PDE11A: variants seen among roughly 807,000 people sequenced by gnomAD.
The protein encoded by PDE11A is phosphodiesterase 11A, also known as dual 3',5'-cyclic-AMP and -GMP phosphodiesterase 11A.
A neutral mutation model predicts 100.5 loss-of-function variants in PDE11A; 100 were observed. The ratio of observed to expected loss-of-function variants is 1.00; its 90% CI spans 0.85 to 1.18. PDE11A has a LOEUF of 1.18. Ranked by LOEUF, PDE11A falls within the 50% of genes most tolerant of loss-of-function variation. The pLI is 0.00. For synonymous variants in PDE11A, 381 were observed against 420.8 expected (o/e 0.91, Z 1.16); for missense variants, 1,141 against 1,152.6 (o/e 0.99, Z 0.15).
chr2:178,040,978 T>A (rs1192110680), intron 1 of PDE11A, among the ~76,000 whole-genome samples: 1 of 152,176 alleles, frequency 6.6e-6, no homozygotes, highest in Non-Finnish European at 1.5e-5. Context: ...CTCACTCTGT[T>A]GCCCATGCTA....
intron 13 of PDE11A, among the ~76,000 whole-genome samples, chr2:177,706,855 T>A (rs2081287495): frequency 6.6e-6 from 1 of 151,914 alleles, no homozygotes; most frequent in African/African-American, 2.4e-5. Flanking sequence ...TGTTGTTCAG[T>A]CTTATACAAG....
At chr2:178,019,112 T>C (rs1486510360) in intron 1 of PDE11A, among the ~76,000 whole-genome samples, 1 of 152,236 alleles carries the variant, frequency 6.6e-6, no homozygotes, top group Non-Finnish European at 1.5e-5. Flanking sequence ...ACAAAGACTT[T>C]GCAGAAAATT....
At chr2:177,856,178 C>T (rs2083829468) in intron 5 of PDE11A, among the ~76,000 whole-genome samples, 2 of 152,032 alleles carry the variant, frequency 1.3e-5, no homozygotes, top group Admixed American at 1.3e-4. Context: ...CTGAGCAGTA[C>T]CTTCAGTTGC....
chr2:177,843,354 C>A (rs755005873), intron 5 of PDE11A, among the ~76,000 whole-genome samples: 6 of 152,026 alleles, frequency 3.9e-5, no homozygotes, highest in Non-Finnish European at 7.4e-5. Context: ...TGGGTTGTCA[C>A]CTAAGAACAA....
At chr2:177,852,439 A>C (rs1206590524) in intron 5 of PDE11A, among the ~76,000 whole-genome samples, 1 of 152,108 alleles carries the variant, frequency 6.6e-6, no homozygotes, top group Admixed American at 6.6e-5. Context: ...CATTGACTAG[A>C]GGTCAATCTG....
At chr2:177,844,155 A>G (rs544583487) in intron 5 of PDE11A, among the ~76,000 whole-genome samples, 2 of 152,326 alleles carry the variant, frequency 1.3e-5, no homozygotes, top group South Asian at 4.1e-4. Flanking sequence ...GCAAAATACC[A>G]TAAGTTGGGT....
At chr2:177,768,958 A>G (rs959551414) in intron 10 of PDE11A, among the ~76,000 whole-genome samples, 2 of 152,220 alleles carry the variant, frequency 1.3e-5, no homozygotes, top group Admixed American at 6.5e-5. Context: ...ATCTCGTCAC[A>G]TATTTTTACA....
At chr2:178,103,184 G>A (rs1574400072) in intron 2 of PDE11A, among the ~76,000 whole-genome samples, 2 of 49,434 alleles carry the variant, frequency 4.0e-5, no homozygotes, top group Admixed American at 3.2e-4. Flanking sequence ...CATTTCCAGT[G>A]GGGGGGGAAG....
chr2:177,825,056 C>T (rs1316186943), intron 6 of PDE11A, among the ~76,000 whole-genome samples: 1 of 152,094 alleles, frequency 6.6e-6, no homozygotes, highest in Admixed American at 6.6e-5. Context: ...GCAGCAGTGT[C>T]CAATGCTATA....
intron 2 of PDE11A, among the ~76,000 whole-genome samples, chr2:178,087,353 CAAAA>C (rs1198466173): frequency 1.2e-5 from 1 of 82,804 alleles, no homozygotes. Context: ...GACTCCAACT[CAAAA>C]AAAAAAAAAA....
intron 5 of PDE11A, among the ~76,000 whole-genome samples, chr2:177,845,195 G>A (rs1461832093): frequency 5.3e-5 from 8 of 151,132 alleles, no homozygotes; most frequent in East Asian, 3.9e-4. Flanking sequence ...CCTCCCGGAC[G>A]GGGTGGCTGC....
chr2:177,787,456 G>T (rs901251607), intron 9 of PDE11A, among the ~76,000 whole-genome samples: 1 of 151,746 alleles, frequency 6.6e-6, no homozygotes, highest in East Asian at 1.9e-4. Context: ...AAAGACCATC[G>T]AGACTAGGAA....
intron 19 of PDE11A, among the ~76,000 whole-genome samples, chr2:177,636,122 A>G (rs997907825): frequency 2.0e-5 from 3 of 152,180 alleles, no homozygotes; most frequent in African/African-American, 7.2e-5. Flanking sequence ...TAAGATATAT[A>G]GCAGGATTTT....
chr2:177,757,645 A>G (rs1034999153), intron 10 of PDE11A, among the ~76,000 whole-genome samples: 1 of 152,170 alleles, frequency 6.6e-6, no homozygotes, highest in African/African-American at 2.4e-5. Flanking sequence ...GTAAGTTCTT[A>G]CCAGCCCTTC....
intron 5 of PDE11A, among the ~76,000 whole-genome samples, chr2:177,849,769 G>A (rs956081384): frequency 1.1e-4 from 15 of 140,170 alleles, no homozygotes; most frequent in African/African-American, 2.9e-4. Flanking sequence ...CAGCCTGGGC[G>A]ACAGAGCGAG....
intron 2 of PDE11A, among the ~76,000 whole-genome samples, chr2:177,941,397 C>G (rs1282794076): frequency 6.6e-6 from 1 of 152,184 alleles, no homozygotes; most frequent in Non-Finnish European, 1.5e-5. Context: ...TTCCACCTAT[C>G]CTTTTCCTGA....
At chr2:178,038,512 T>C (rs1163484396) in intron 1 of PDE11A, among the ~76,000 whole-genome samples, 10 of 151,828 alleles carry the variant, frequency 6.6e-5, no homozygotes, top group East Asian at 1.9e-4. Flanking sequence ...AGAATATATA[T>C]GTATATAAGG....
intron 12 of PDE11A, among the ~76,000 whole-genome samples, chr2:177,727,082 G>A (rs562685598): frequency 6.6e-6 from 1 of 152,148 alleles, no homozygotes; most frequent in South Asian, 2.1e-4. Context: ...CTGCCCAGCT[G>A]CACTAGATAT....
In PDE11A at chr2:177,649,109, T is replaced by C. The variant is rs558067456; in HGVS notation, c.2646+14757A>G. 4.6e-5 allele frequency among the ~76,000 whole-genome samples: 7 copies of C among 152,244 alleles called. No individual in the cohort carries two copies. In the South Asian group the frequency reaches 1.5e-3, roughly 32 times the overall value. ...GCTATCGTATTAGCAAAATTGAAAT[T>C]TGGTAATACATTGTGTTGGTAAGGG... On this transcript the variant is annotated intron_variant, in intron 19 of 19. Coordinates refer to ENST00000286063, the MANE Select transcript of PDE11A (RefSeq NM_016953.4).
Sources: gnomAD v4.1 joint callset for allele counts (sites outside exome capture counted in the v4.1 genomes callset) on GRCh38, gnomAD v4.1.1 for gene constraint, MANE v1.5 for transcripts, NCBI Gene and HGNC (gene_info 2026-07-23, HGNC 2026-07-21) for gene names.